Variants in TNNT3 observed in about 807,000 individuals in gnomAD.
The protein encoded by TNNT3 is troponin T3, fast skeletal type.
TNNT3 carries 36 observed loss-of-function variants against 54.2 expected under a neutral mutation model. The ratio of observed to expected loss-of-function variants is 0.66; its 90% CI spans 0.51 to 0.88. The LOEUF is 0.88. Among genes scored for constraint, TNNT3 ranks in the 40% least tolerant of loss-of-function variants. The pLI is 0.00. For synonymous variants in TNNT3, 120 were observed against 109.7 expected, an observed-to-expected ratio of 1.09 and a Z score of -0.59; for missense variants, 291 against 331.6, an observed-to-expected ratio of 0.88 and a Z score of 0.95.
intron 14 of TNNT3, chr11:1,935,191 A>G: frequency 1.8e-6 from 1 of 549,484 alleles, no homozygotes; most frequent in Non-Finnish European, 3.3e-6. Flanking sequence ...TGCCAAAAGG[A>G]CTGTCGTGGC....
At chr11:1,934,097 G>A in intron 11 of TNNT3, 89 bp downstream of exon 11, 6 of 1,405,232 alleles carry the variant, frequency 4.3e-6, no homozygotes, top group Non-Finnish European at 5.9e-6. Context: ...CTTCTCCCGG[G>A]GTTCCCATTG....
intron 5 of TNNT3, chr11:1,926,367 G>T: frequency 6.8e-7 from 1 of 1,460,734 alleles, no homozygotes; most frequent in South Asian, 1.1e-5. Flanking sequence ...CCCACCCTCG[G>T]CCTCGAGTGG....
rs117619867 is a variant in TNNT3, at chr11:1,936,564, G to A, written c.682-399G>A. Among the ~76,000 whole-genome samples, 3,322 of 152,328 alleles carry A rather than the reference G, an allele frequency of 0.022. 50 individuals carry two copies. Among genetic ancestry groups the A allele is most frequent in the Non-Finnish European group, 0.033 (2,234 of 68,020 alleles). ...GGCCCAGGAGCAGCAGGGCCGTTCGGAGCTCTGAGCTCAGCGGCTGAAGGG... is the reference window on the plus strand; with the variant it reads ...GGCCCAGGAGCAGCAGGGCCGTTCGAAGCTCTGAGCTCAGCGGCTGAAGGG... On this transcript the variant is annotated intron_variant, in intron 14 of 15. Transcript: ENST00000278317.
At position 1,929,143 on chromosome 11, in the gene TNNT3, G is replaced by T. The variant is rs1174867839; in HGVS notation, c.106G>T (p.Glu36Ter). ...AGACACCGCAGAGGAGGACGCGGAAGGTAAGGGCCCGTCCCTGCCGCCGGA... is the reference window on the plus strand; with the variant it reads ...AGACACCGCAGAGGAGGACGCGGAATGTAAGGGCCCGTCCCTGCCGCCGGA... ...QEDTAEEDAE[E>*]EKPRPKLTAP... The change falls in exon 7 of 16, where the codon GAG becomes TAG. Residue 36 changes from glutamate (E) to a stop codon, truncating the protein, a stop_gained and splice_region_variant. Coordinates refer to ENST00000278317, the MANE Select transcript of TNNT3 (RefSeq NM_006757.4). LOFTEE classifies it high-confidence loss of function. The T allele has an allele frequency of 1.2e-6, 2 of 1,613,022 alleles. No homozygotes were observed. The highest frequency in any genetic ancestry group is 2.2e-5 in the South Asian group (2 of 91,086).
At chr11:1,938,304 G>A in intron 15 of TNNT3, 134 bp from the exon 16 acceptor site, 2 of 953,544 alleles carry the variant, frequency 2.1e-6, no homozygotes, top group East Asian at 2.5e-5. Context: ...GCTGGGTGTG[G>A]GCCGCAAGCT....
rs762747701 is a variant in TNNT3, at chr11:1,932,533, G to T, written c.171+19G>T. ...CTTCGATGTAAGTTTACAGGACTCT[G>T]GTTAACATGTCCACGGTTTCCCCAC... On this transcript the variant is annotated intron_variant, in intron 9 of 15. Coordinates refer to ENST00000278317, the MANE Select transcript of TNNT3 (RefSeq NM_006757.4). 6.2e-6 allele frequency: 10 copies of T among 1,612,976 alleles called. No individual in the cohort carries two copies. Among genetic ancestry groups the T allele is most frequent in the Admixed American group, 1.7e-5 (1 of 60,002 alleles).
At position 1,933,745 on chromosome 11, in the gene TNNT3, A is replaced by AAAGACCTAATGGAGCT; in HGVS notation, c.197_212dup (p.Gln72ArgfsTer14). The AAAGACCTAATGGAGCT allele has an allele frequency of 6.2e-7, 1 of 1,613,070 alleles. No homozygotes were observed. The highest frequency in any genetic ancestry group is 8.5e-7 in the Non-Finnish European group (1 of 1,179,984). ...GGACATCCAGAAGAAGCGTCAGAAC[A>AAAGACCTAATGGAGCT]AAGACCTAATGGAGCTCCAGGCCCT... On this transcript the variant is annotated frameshift_variant, in exon 10 of 16. Transcript: ENST00000278317. LOFTEE classifies it high-confidence loss of function.
At chr11:1,928,867 T>A in intron 6 of TNNT3, 4 of 553,084 alleles carry the variant, frequency 7.2e-6, no homozygotes, top group Non-Finnish European at 6.6e-6. Flanking sequence ...CCCGTGTCCC[T>A]CCTATTCTCC....
rs369567680 is a variant in TNNT3, at chr11:1,920,166, G to A, written c.-19+404G>A. Among the ~76,000 whole-genome samples, 5 of 152,284 alleles carry A rather than the reference G, an allele frequency of 3.3e-5. No individual in the cohort carries two copies. In the South Asian group the frequency reaches 8.3e-4, roughly 25 times the overall value. On this transcript the variant is annotated intron_variant, in intron 1 of 15. Coordinates refer to ENST00000278317, the MANE Select transcript of TNNT3 (RefSeq NM_006757.4). ...GGGCTTAGGTTGCCAGCTTGTGGTC[G>A]CCATGCAGACATTTGCCCAGGCCCG...
intron 4 of TNNT3, among the ~76,000 whole-genome samples, chr11:1,923,787 A>C (rs1294188283): frequency 6.6e-6 from 1 of 152,100 alleles, no homozygotes; most frequent in Non-Finnish European, 1.5e-5. Context: ...ATGATGGATG[A>C]GTCATTAAAT....
chr11:1,936,947 C>T lies in TNNT3; in HGVS notation c.682-16C>T. 1.2e-6 allele frequency: 2 copies of T among 1,603,144 alleles called. No individual in the cohort carries two copies. The highest frequency in any genetic ancestry group is 1.7e-6 in the Non-Finnish European group (2 of 1,176,346). ...GCCCTCGGGTCGTCGCAGTGAGTCACTCATGTTGTTCACAGATCACCACGC... is the reference window on the plus strand; with the variant it reads ...GCCCTCGGGTCGTCGCAGTGAGTCATTCATGTTGTTCACAGATCACCACGC... On this transcript the variant is annotated splice_polypyrimidine_tract_variant and intron_variant, in intron 14 of 15. Coordinates refer to ENST00000278317, the MANE Select transcript of TNNT3 (RefSeq NM_006757.4).
At chr11:1,923,164 C>T in intron 3 of TNNT3, 103 bp downstream of exon 3, 1 of 1,495,384 alleles carries the variant, frequency 6.7e-7, no homozygotes, top group South Asian at 1.1e-5. Flanking sequence ...CTTGACAGCC[C>T]TACATCAGCT....
At chr11:1,929,261 C>G in intron 7 of TNNT3, 118 bp downstream of exon 7, 2 of 1,313,678 alleles carry the variant, frequency 1.5e-6, no homozygotes, top group Non-Finnish European at 2.2e-6. Flanking sequence ...TCCTCTTTCT[C>G]TTCCCCTGGC....
At chr11:1,925,001 C>A (rs901223918) in intron 4 of TNNT3, 98 bp from the exon 5 acceptor site, 43 of 1,433,498 alleles carry the variant, frequency 3.0e-5, no homozygotes, top group Admixed American at 6.8e-5. Context: ...GCCAGCCGGC[C>A]TCCTGTCCTT....
chr11:1,922,799 A>C (rs1240481442), intron 1 of TNNT3, 58 bp from the exon 2 acceptor site: 2 of 1,553,212 alleles, frequency 1.3e-6, no homozygotes, highest in Middle Eastern at 1.7e-4. Flanking sequence ...ACACCCAGGC[A>C]GCTCGTAACT....
intron 6 of TNNT3, among the ~76,000 whole-genome samples, chr11:1,928,690 G>A (rs1474976442): frequency 6.6e-6 from 1 of 152,158 alleles, no homozygotes; most frequent in Non-Finnish European, 1.5e-5. Context: ...GCAGGGGTCA[G>A]GCTCCGGGAA....
intron 1 of TNNT3, among the ~76,000 whole-genome samples, chr11:1,921,143 C>A (rs1850016526): frequency 6.6e-6 from 1 of 152,178 alleles, no homozygotes. Context: ...TCACACCCGC[C>A]TCACCCACGT....
intron 15 of TNNT3, 139 bp from the exon 16 acceptor site, chr11:1,938,299 G>T: frequency 3.3e-6 from 3 of 911,574 alleles, no homozygotes; most frequent in Non-Finnish European, 5.4e-6. Flanking sequence ...CTGAAGCTGG[G>T]TGTGGGCCGC....
chr11:1,919,982 T>C (rs186250500), intron 1 of TNNT3, among the ~76,000 whole-genome samples: 35 of 152,194 alleles, frequency 2.3e-4, no homozygotes, highest in African/African-American at 8.2e-4. Flanking sequence ...TGTGATGGTC[T>C]CAGCACCGGG....
Sources: allele counts gnomAD v4.1 joint callset (sites outside exome capture counted in the v4.1 genomes callset), GRCh38; gene constraint gnomAD v4.1.1; transcripts MANE v1.5; gene names NCBI Gene and HGNC (gene_info 2026-07-23, HGNC 2026-07-21).